Variants in ROBO2 observed in about 807,000 individuals in gnomAD.
ROBO2 encodes roundabout guidance receptor 2, also known as roundabout homolog 2.
ROBO2 carries 53 observed loss-of-function variants against 160.8 expected under a neutral mutation model. That is an observed-to-expected ratio of 0.33 (90% CI 0.26 to 0.41). The LOEUF is 0.41. Ranked by LOEUF, ROBO2 falls within the 10% of genes least tolerant of loss-of-function variation. The pLI is 1.00. For synonymous variants in ROBO2, 664 were observed against 611.7 expected, an observed-to-expected ratio of 1.09 and a Z score of -1.26; for missense variants, 1,577 against 1,722.4, an observed-to-expected ratio of 0.92 and a Z score of 1.49.
At chr3:77,633,312 A>C (rs1277877786) in intron 23 of ROBO2, 3 of 152,198 alleles carry the variant, frequency 2.0e-5, no homozygotes, top group Admixed American at 2.0e-4. Flanking sequence ...TGAGAGTGAT[A>C]AGTAATCATA....
intron 2 of ROBO2, among the ~76,000 whole-genome samples, chr3:76,772,483 C>T (rs896754801): frequency 6.8e-6 from 1 of 146,476 alleles, no homozygotes; most frequent in East Asian, 2.0e-4. Context: ...TTGCTCTTCT[C>T]TCCCCACCCC....
chr3:76,978,464 G>T (rs2059917068), intron 2 of ROBO2, among the ~76,000 whole-genome samples: 1 of 152,068 alleles, frequency 6.6e-6, no homozygotes, highest in Non-Finnish European at 1.5e-5. Flanking sequence ...ATATATTTGA[G>T]TGTCTTTTAA....
chr3:77,309,939 T>C (rs144607743), intron 2 of ROBO2, among the ~76,000 whole-genome samples: 2 of 152,174 alleles, frequency 1.3e-5, no homozygotes, highest in Non-Finnish European at 2.9e-5. Context: ...AAAATCTTCC[T>C]GCATGTAATT....
At chr3:76,247,639 C>T (rs1705700100) in intron 2 of ROBO2, among the ~76,000 whole-genome samples, 1 of 152,072 alleles carries the variant, frequency 6.6e-6, no homozygotes, top group African/African-American at 2.4e-5. Context: ...TTGCTGACTG[C>T]TCTCTCTTCC....
intron 2 of ROBO2, among the ~76,000 whole-genome samples, chr3:76,513,481 T>G (rs1307395955): frequency 2.0e-5 from 3 of 152,126 alleles, no homozygotes; most frequent in Admixed American, 6.5e-5. Flanking sequence ...CTCAGCCCCC[T>G]GAGCAGCTGG....
intron 2 of ROBO2, among the ~76,000 whole-genome samples, chr3:76,239,856 T>C (rs1705183160): frequency 6.6e-6 from 1 of 152,062 alleles, no homozygotes; most frequent in South Asian, 2.1e-4. Flanking sequence ...AGAGAGTAAA[T>C]GTTGCAAATT....
intron 2 of ROBO2, among the ~76,000 whole-genome samples, chr3:76,798,892 A>AAACAACAACAAC (rs60526472): frequency 2.0e-5 from 3 of 150,130 alleles, no homozygotes; most frequent in African/African-American, 7.4e-5. Flanking sequence ...GACCTTTTCT[A>AAACAACAACAAC]AACAACAACA....
chr3:76,830,411 C>A (rs1014283387), intron 2 of ROBO2, among the ~76,000 whole-genome samples: 2 of 152,032 alleles, frequency 1.3e-5, no homozygotes, highest in African/African-American at 4.8e-5. Context: ...TTTTCTCTTT[C>A]TTTTTCAGTA....
exon 13 of ROBO2, chr3:77,568,434 G>C: frequency 6.2e-7 from 1 of 1,612,582 alleles, no homozygotes; most frequent in Non-Finnish European, 8.5e-7. Flanking sequence ...TCACATGGAC[G>C]GTAAGCTTTC....
At chr3:76,089,337 AG>A (rs1312229237) in intron 2 of ROBO2, among the ~76,000 whole-genome samples, 1 of 152,070 alleles carries the variant, frequency 6.6e-6, no homozygotes, top group African/African-American at 2.4e-5. Flanking sequence ...TCATTGTTTG[AG>A]GCCAGCTTTA....
In ROBO2 at chr3:77,641,656, C is replaced by CA. The variant is rs1341115463; in HGVS notation, c.3935-3045dup. On this transcript the variant is annotated intron_variant, in intron 24 of 25. Coordinates refer to ENST00000461745, the Ensembl canonical transcript of ROBO2. ...TAATTACCAATATTCTAAGGATGAA[C>CA]AAAGAAGTTTACAATAGCATGCAAG... 7.9e-5 allele frequency among the ~76,000 whole-genome samples: 12 copies of CA among 151,750 alleles called. No individual in the cohort carries two copies. In the East Asian group the frequency reaches 1.7e-3, roughly 22 times the overall value.
intron 2 of ROBO2, among the ~76,000 whole-genome samples, chr3:76,377,956 C>T (rs2076431332): frequency 6.6e-6 from 1 of 152,088 alleles, no homozygotes; most frequent in Non-Finnish European, 1.5e-5. Flanking sequence ...TTGCTAGGAG[C>T]ACGTGTGTGA....
intron 5 of ROBO2, among the ~76,000 whole-genome samples, chr3:77,496,135 A>T (rs1481137643): frequency 2.0e-5 from 3 of 152,234 alleles, no homozygotes; most frequent in Non-Finnish European, 4.4e-5. Flanking sequence ...AAACATTTTC[A>T]TAGCTTTGGC....
intron 2 of ROBO2, among the ~76,000 whole-genome samples, chr3:76,382,154 A>G (rs186766653): frequency 1.2e-4 from 18 of 152,146 alleles, no homozygotes; most frequent in Non-Finnish European, 1.6e-4. Context: ...TTTTGGTAGA[A>G]ACGAGGTTTT....
At chr3:76,925,162 G>GA (rs1328534444) in intron 2 of ROBO2, among the ~76,000 whole-genome samples, 4 of 140,644 alleles carry the variant, frequency 2.8e-5, no homozygotes, top group Non-Finnish European at 4.5e-5. Flanking sequence ...AGTGAGCCGA[G>GA]ATCCCGCCAC....
chr3:76,024,886 C>A (rs913725637), intron 2 of ROBO2, among the ~76,000 whole-genome samples: 70 of 150,970 alleles, frequency 4.6e-4, no homozygotes, highest in African/African-American at 1.7e-3. Context: ...TAAGCAGTGA[C>A]AAACTCACCT....
At chr3:76,607,608 C>G (rs2087760832) in intron 2 of ROBO2, among the ~76,000 whole-genome samples, 1 of 152,104 alleles carries the variant, frequency 6.6e-6, no homozygotes, top group East Asian at 1.9e-4. Context: ...TAAAAATTCC[C>G]TCTGATTCAC....
chr3:76,810,423 T>C (rs544921149), intron 2 of ROBO2, among the ~76,000 whole-genome samples: 2 of 143,430 alleles, frequency 1.4e-5, no homozygotes, highest in South Asian at 4.8e-4. Context: ...TTGATAGACA[T>C]ATGTAATAAA....
intron 2 of ROBO2, among the ~76,000 whole-genome samples, chr3:76,801,051 A>G (rs1207907178): frequency 6.6e-6 from 1 of 152,178 alleles, no homozygotes; most frequent in Non-Finnish European, 1.5e-5. Flanking sequence ...CATATACACA[A>G]TGGAGTGCTA....
Sources: gnomAD v4.1 joint callset for allele counts (sites outside exome capture counted in the v4.1 genomes callset) on GRCh38, gnomAD v4.1.1 for gene constraint, MANE v1.5 for transcripts, NCBI Gene and HGNC (gene_info 2026-07-23, HGNC 2026-07-21) for gene names.